The following APP variants were observed in gnomAD, a reference collection of about 807,000 sequenced individuals.
The protein encoded by APP is amyloid beta precursor protein.
In APP, 31 loss-of-function variants were observed where a neutral mutation model predicts 101.4. The ratio of observed to expected loss-of-function variants is 0.31; its 90% CI spans 0.23 to 0.41. The LOEUF (loss-of-function observed/expected upper bound fraction) is 0.41. APP is among the 10% of genes least tolerant of loss of function. APP has a pLI of 1.00. For synonymous variants in APP, 366 were observed against 364.4 expected (o/e 1.00, Z -0.05); for missense variants, 839 against 1,003.7 (o/e 0.84, Z 2.22).
At chr21:26,040,413 C>T (rs1048097947) in intron 5 of APP, among the ~76,000 whole-genome samples, 1 of 152,006 alleles carries the variant, frequency 6.6e-6, no homozygotes, top group African/African-American at 2.4e-5. Context: ...ACCAGCCTGA[C>T]CAACATGGTG....
At chr21:26,022,671 T>C (rs960883273) in intron 5 of APP, among the ~76,000 whole-genome samples, 3 of 152,166 alleles carry the variant, frequency 2.0e-5, no homozygotes, top group African/African-American at 7.2e-5. Context: ...TAGTCCATTA[T>C]AAAAAGTGGG....
chr21:25,976,324 A>G (rs1415104389), intron 9 of APP, among the ~76,000 whole-genome samples: 3 of 152,172 alleles, frequency 2.0e-5, no homozygotes, highest in Non-Finnish European at 4.4e-5. Context: ...TGATGTGAAC[A>G]AATACCAACT....
intron 7 of APP, among the ~76,000 whole-genome samples, chr21:25,998,855 C>G (rs2146673023): frequency 6.6e-6 from 1 of 152,284 alleles, no homozygotes; most frequent in African/African-American, 2.4e-5. Flanking sequence ...CTGTTAACGA[C>G]ATGGAAGTCT....
intron 14 of APP, among the ~76,000 whole-genome samples, chr21:25,909,225 T>C (rs560315164): frequency 1.4e-5 from 2 of 139,794 alleles, no homozygotes; most frequent in South Asian, 2.2e-4. Context: ...ATCGCGCCAC[T>C]GCACTCCAGC....
intron 15 of APP, among the ~76,000 whole-genome samples, chr21:25,900,777 G>A (rs1246825488): frequency 6.7e-6 from 1 of 149,392 alleles, no homozygotes; most frequent in Non-Finnish European, 1.5e-5. Context: ...CGAGGCGGGA[G>A]GATCACGAGG....
intron 15 of APP, 121 bp from the exon 16 acceptor site, chr21:25,897,794 A>G: frequency 1.3e-6 from 1 of 786,000 alleles, no homozygotes; most frequent in South Asian, 1.5e-5. Flanking sequence ...AAGAAAATTG[A>G]TAAATGACTC....
intron 1 of APP, among the ~76,000 whole-genome samples, chr21:26,128,945 C>A (rs1429716937): frequency 6.6e-6 from 1 of 152,030 alleles, no homozygotes; most frequent in East Asian, 1.9e-4. Flanking sequence ...TTAAAGGGAA[C>A]AAAAGCAGGA....
At chr21:25,955,863 C>T (rs889673888) in intron 11 of APP, 108 bp from the exon 12 acceptor site, 15 of 1,485,720 alleles carry the variant, frequency 1.0e-5, no homozygotes, top group Admixed American at 1.7e-5. Flanking sequence ...TGTGAACGTA[C>T]TGTGAGTCAC....
At position 25,946,247 on chromosome 21, in the gene APP, G is replaced by T. The variant is rs938150773; in HGVS notation, c.1687+8343C>A. Among the ~76,000 whole-genome samples the T allele has an allele frequency of 8.8e-4, 134 of 152,134 alleles. 1 individual carries two copies. The highest frequency in any genetic ancestry group is 2.5e-4 in the Non-Finnish European group (17 of 68,008). On this transcript the variant is annotated intron_variant, in intron 13 of 17. Coordinates refer to ENST00000346798, the MANE Select transcript of APP (RefSeq NM_000484.4). The stretch of plus-strand genomic sequence containing the variant: ...ATAGACTTCTAAATTGAAAATTTTT[G>T]TGTGTCAAAAGGATCCTATTAAGGA...
At chr21:25,942,701 CT>C in intron 13 of APP, 1 of 152,184 alleles carries the variant, frequency 6.6e-6, no homozygotes, top group South Asian at 2.1e-4. Flanking sequence ...ATCCTGTGTC[CT>C]TATTTCTTCA....
intron 3 of APP, among the ~76,000 whole-genome samples, chr21:26,069,455 T>C (rs1180449822): frequency 6.6e-6 from 1 of 152,198 alleles, no homozygotes; most frequent in South Asian, 2.1e-4. Context: ...TCTGCAGTTA[T>C]CAGGGGAGGC....
chr21:25,973,260 C>G (rs866457816), intron 11 of APP, among the ~76,000 whole-genome samples: 2 of 152,026 alleles, frequency 1.3e-5, no homozygotes, highest in African/African-American at 2.4e-5. Context: ...ATATCCATAA[C>G]CTCATTCAGT....
At chr21:25,999,048 TG>T (rs1338027944) in intron 7 of APP, among the ~76,000 whole-genome samples, 1 of 152,212 alleles carries the variant, frequency 6.6e-6, no homozygotes, top group Non-Finnish European at 1.5e-5. Context: ...CCCAGCACTT[TG>T]GATGGCCAAG....
chr21:26,114,318 CA>C (rs1389349515), intron 1 of APP, among the ~76,000 whole-genome samples: 1 of 152,140 alleles, frequency 6.6e-6, no homozygotes, highest in African/African-American at 2.4e-5. Context: ...AGAAGGCCCC[CA>C]ATAGTCCCTG....
intron 8 of APP, among the ~76,000 whole-genome samples, chr21:25,988,002 G>C (rs1039303065): frequency 2.6e-5 from 4 of 152,200 alleles, no homozygotes; most frequent in African/African-American, 9.7e-5. Flanking sequence ...AAGAAAAACA[G>C]AGCAGAGTTC....
intron 6 of APP, among the ~76,000 whole-genome samples, chr21:26,019,725 TC>T (rs2044255627): frequency 6.9e-6 from 1 of 145,918 alleles, no homozygotes; most frequent in Non-Finnish European, 1.5e-5. Flanking sequence ...CCAAGGACTT[TC>T]AGTCCCACTG....
At chr21:25,962,516 A>G (rs1461049519) in intron 11 of APP, among the ~76,000 whole-genome samples, 1 of 152,208 alleles carries the variant, frequency 6.6e-6, no homozygotes, top group Non-Finnish European at 1.5e-5. Context: ...CTTCAAGTAG[A>G]AAACAAACAC....
intron 6 of APP, among the ~76,000 whole-genome samples, chr21:26,014,176 C>T (rs1049369427): frequency 6.6e-6 from 1 of 152,192 alleles, no homozygotes; most frequent in Non-Finnish European, 1.5e-5. Flanking sequence ...CTACTGAGGC[C>T]TCCAACTGAA....
At chr21:25,924,565 G>T (rs1206737030) in intron 13 of APP, among the ~76,000 whole-genome samples, 1 of 151,738 alleles carries the variant, frequency 6.6e-6, no homozygotes, top group East Asian at 1.9e-4. Context: ...TGAACAATGA[G>T]AACACATGGA....
Sources: allele counts gnomAD v4.1 joint callset (sites outside exome capture counted in the v4.1 genomes callset), GRCh38; gene constraint gnomAD v4.1.1; transcripts MANE v1.5; gene names NCBI Gene and HGNC (gene_info 2026-07-23, HGNC 2026-07-21).